USH2A: variants seen among roughly 807,000 people sequenced by gnomAD.
USH2A encodes the protein usherin, also known as Usher syndrome 2A (autosomal recessive, mild).
In USH2A, 443 loss-of-function variants were observed where a neutral mutation model predicts 538.9. The observed-to-expected ratio is 0.82, with a 90% CI of 0.76 to 0.89. USH2A has a LOEUF of 0.89. Among genes scored for constraint, USH2A ranks in the 40% least tolerant of loss-of-function variants. The pLI, the probability that USH2A is intolerant of heterozygous loss-of-function variation, is 0.00. For synonymous variants in USH2A, 2,413 were observed against 2,273.5 expected (o/e 1.06, Z -1.75); for missense variants, 6,633 against 6,324.8 (o/e 1.05, Z -1.65).
In USH2A at chr1:216,406,680, T is replaced by C. The variant is rs182497830; in HGVS notation, c.651+11834A>G. 7.3e-4 allele frequency among the ~76,000 whole-genome samples: 111 copies of C among 152,284 alleles called. 1 individual carries two copies. Among genetic ancestry groups the C allele is most frequent in the African/African-American group, 2.6e-3 (109 of 41,572 alleles). On this transcript the variant is annotated intron_variant, in intron 3 of 71. Coordinates refer to ENST00000307340, the MANE Select transcript of USH2A (RefSeq NM_206933.4). Reference sequence around the variant, plus strand: ...GGTATTTCAGAGGATTAAATTATAATGGTCACTAGTTTTCTCAATATATGT... The same window carrying C: ...GGTATTTCAGAGGATTAAATTATAACGGTCACTAGTTTTCTCAATATATGT...
intron 39 of USH2A, 71 bp downstream of exon 39, chr1:215,900,684 C>A: frequency 6.2e-7 from 1 of 1,602,824 alleles, no homozygotes; most frequent in Non-Finnish European, 8.5e-7. Flanking sequence ...TGAGAACTGA[C>A]CTACTCTTCA....
rs1664545092 is a variant in USH2A at position 215,868,653 on chromosome 1, A to G, written c.8682-1483T>C. Among the ~76,000 whole-genome samples, 3 of 152,374 alleles carry G rather than the reference A, an allele frequency of 2.0e-5. No individual in the cohort carries two copies. The South Asian group carries it at 6.2e-4, about 32-fold the overall frequency. ...GATAGGGTTTTTGCAGATGTAATCA[A>G]GTTAAGATGAGGTCATACTGGATTA... On this transcript the variant is annotated intron_variant, in intron 43 of 71. Transcript: ENST00000307340.
Position 216,020,268 on chromosome 1 carries a change from T to A in USH2A, c.6326-19706A>T, listed in dbSNP as rs1561174. On this transcript the variant is annotated intron_variant, in intron 32 of 71. Coordinates refer to ENST00000307340, the MANE Select transcript of USH2A (RefSeq NM_206933.4). The stretch of plus-strand genomic sequence containing the variant: ...ATCCACTTGTTTGATCAAACACCAA[T>A]CTAAATGTTGCTATAAAGTTATTAT... Among the ~76,000 whole-genome samples the A allele has an allele frequency of 9.2e-3, 1,403 of 152,304 alleles. 11 individuals are homozygous for A. Among genetic ancestry groups the A allele is most frequent in the Non-Finnish European group, 0.013 (853 of 68,018 alleles).
At chr1:215,871,793 A>G (rs1312405234) in intron 43 of USH2A, among the ~76,000 whole-genome samples, 2 of 152,172 alleles carry the variant, frequency 1.3e-5, no homozygotes, top group Non-Finnish European at 2.9e-5. Context: ...AACCATATCC[A>G]GCTGGGAAGT....
chr1:216,104,971 C>G (rs1391589571), intron 21 of USH2A, among the ~76,000 whole-genome samples: 1 of 152,048 alleles, frequency 6.6e-6, no homozygotes, highest in African/African-American at 2.4e-5. Flanking sequence ...AAGAAAGAAA[C>G]AAACAACCCC....
chr1:216,087,999 T>A (rs2032188213), intron 23 of USH2A, among the ~76,000 whole-genome samples: 1 of 152,140 alleles, frequency 6.6e-6, no homozygotes, highest in African/African-American at 2.4e-5. Flanking sequence ...CAAGGTCCCA[T>A]ATAATCTGAT....
chr1:215,832,606 C>T (rs1046942117), intron 47 of USH2A, among the ~76,000 whole-genome samples: 6 of 151,864 alleles, frequency 4.0e-5, no homozygotes, highest in African/African-American at 7.2e-5. Flanking sequence ...AGTTCTTCAA[C>T]GTGATAAAAG....
intron 4 of USH2A, among the ~76,000 whole-genome samples, chr1:216,343,901 T>C (rs1487434351): frequency 6.6e-6 from 1 of 152,090 alleles, no homozygotes; most frequent in African/African-American, 2.4e-5. Context: ...TTACCATATG[T>C]TTTCTGCTTT....
chr1:215,974,673 G>A (rs1230522255), intron 35 of USH2A, among the ~76,000 whole-genome samples: 1 of 151,882 alleles, frequency 6.6e-6, no homozygotes, highest in Non-Finnish European at 1.5e-5. Flanking sequence ...ATGATTTCAG[G>A]GTTTTTTCTG....
At chr1:216,407,817 A>G (rs2039420563) in intron 3 of USH2A, among the ~76,000 whole-genome samples, 1 of 152,158 alleles carries the variant, frequency 6.6e-6, no homozygotes, top group Non-Finnish European at 1.5e-5. Flanking sequence ...TATAATATAA[A>G]TGACAATTCC....
intron 22 of USH2A, among the ~76,000 whole-genome samples, chr1:216,094,868 A>G (rs1317709678): frequency 1.3e-5 from 2 of 152,146 alleles, no homozygotes; most frequent in Non-Finnish European, 2.9e-5. Flanking sequence ...CCTGTGGCCC[A>G]GATTCCTCAC....
chr1:215,628,257 A>G (rs1656129184), intron 71 of USH2A, among the ~76,000 whole-genome samples: 2 of 152,060 alleles, frequency 1.3e-5, no homozygotes, highest in South Asian at 4.1e-4. Context: ...CATCTGCTCC[A>G]AGTATATGAA....
intron 44 of USH2A, among the ~76,000 whole-genome samples, chr1:215,860,539 A>C (rs1393525156): frequency 6.6e-6 from 1 of 152,224 alleles, no homozygotes; most frequent in African/African-American, 2.4e-5. Context: ...CCAACCTAAT[A>C]TATGAAAATC....
Position 216,081,568 on chromosome 1 carries a change from T to C in USH2A, c.5298+1888A>G, listed in dbSNP as rs77667556. Among the ~76,000 whole-genome samples, 662 of 152,122 alleles carry C rather than the reference T, an allele frequency of 4.4e-3. 8 individuals carry two copies. Among genetic ancestry groups the C allele is most frequent in the African/African-American group, 0.015 (628 of 41,524 alleles). Reference sequence around the variant, plus strand: ...AGCCAAGCACATAATAGGCACTCCGTATATATTTATCTAAGTGTATTGATT... The same window carrying C: ...AGCCAAGCACATAATAGGCACTCCGCATATATTTATCTAAGTGTATTGATT... On this transcript the variant is annotated intron_variant, in intron 26 of 71. Transcript: ENST00000307340.
At chr1:216,081,096 G>A (rs2031928009) in intron 26 of USH2A, among the ~76,000 whole-genome samples, 1 of 152,056 alleles carries the variant, frequency 6.6e-6, no homozygotes, top group African/African-American at 2.4e-5. Flanking sequence ...ATAGTGTTTA[G>A]CAATCTAGCT....
chr1:216,035,890 A>G (rs527631475), intron 32 of USH2A, among the ~76,000 whole-genome samples: 33 of 152,278 alleles, frequency 2.2e-4, no homozygotes, highest in African/African-American at 7.5e-4. Context: ...ATAATGGCAT[A>G]ATAACTGTAA....
At chr1:216,072,847 A>ATG in intron 29 of USH2A, 42 bp downstream of exon 29, 9 of 1,502,894 alleles carry the variant, frequency 6.0e-6, no homozygotes, top group Admixed American at 1.7e-5. Flanking sequence ...AAATACATGC[A>ATG]TGTGTGTGTG....
intron 32 of USH2A, among the ~76,000 whole-genome samples, chr1:216,040,537 A>G (rs1181405580): frequency 6.6e-6 from 1 of 151,978 alleles, no homozygotes; most frequent in African/African-American, 2.4e-5. Flanking sequence ...ACTTCTTAAA[A>G]ACGGCCAGTT....
rs1664811660 is a variant in USH2A at position 215,877,791 on chromosome 1, G to A, written c.8648C>T (p.Thr2883Ile). ...ACCCTTATCTTCATAAAGCCACTGA[G>A]TTCCTGAATAAATATTGTGCCACCG... is the stretch of plus-strand genomic sequence containing the variant. ...LNRWHNIYSG[T>I]QWLYEDKGLS... is the part of the protein sequence containing the mutation. Residue 2883 changes from threonine to isoleucine, a missense_variant, in exon 43 of 72, where the codon ACT (threonine) becomes ATT (isoleucine). Thr to Ile is a moderately conservative substitution (Grantham distance 89). Coordinates refer to ENST00000307340, the MANE Select transcript of USH2A (RefSeq NM_206933.4). The A allele has an allele frequency of 1.2e-6, 2 of 1,613,768 alleles. No homozygotes were observed. The highest frequency in any genetic ancestry group is 1.1e-5 in the South Asian group (1 of 91,074).
Sources: gnomAD v4.1 joint callset for allele counts (sites outside exome capture counted in the v4.1 genomes callset) on GRCh38, gnomAD v4.1.1 for gene constraint, MANE v1.5 for transcripts, NCBI Gene and HGNC (gene_info 2026-07-23, HGNC 2026-07-21) for gene names.